Variants in SLC9A8 observed in about 807,000 individuals in gnomAD.
The protein encoded by SLC9A8 is solute carrier family 9 member A8, also known as sodium/hydrogen exchanger 8.
Under a neutral mutation model 66.6 loss-of-function variants are expected in SLC9A8, and 48 were observed. The ratio of observed to expected loss-of-function variants is 0.72; its 90% CI spans 0.57 to 0.92. The LOEUF is 0.92. Among genes scored for constraint, SLC9A8 ranks in the 40% least tolerant of loss-of-function variants. The probability of loss-of-function intolerance (pLI) is 0.00; values close to 1 mark genes in which losing one functional copy is unlikely to be tolerated. For synonymous variants in SLC9A8, 274 were observed against 282.6 expected (o/e 0.97, Z 0.31); for missense variants, 599 against 747.3 (o/e 0.80, Z 2.31).
chr20:49,853,586 T>C (rs562822790), intron 7 of SLC9A8, among the ~76,000 whole-genome samples: 48 of 152,324 alleles, frequency 3.2e-4, no homozygotes, highest in African/African-American at 1.1e-3. Context: ...ACCAATAAAA[T>C]AGGATCTCCC....
At chr20:49,884,090 G>T in intron 14 of SLC9A8, 24 bp downstream of exon 14, 2 of 1,603,588 alleles carry the variant, frequency 1.2e-6, no homozygotes, top group South Asian at 1.1e-5. Flanking sequence ...GCCTGTGGGG[G>T]TGGGGCAGGG....
Position 49,889,023 on chromosome 20 carries a change from C to T in SLC9A8, c.*1087C>T, listed in dbSNP as rs1018083167. 1 of 152,434 alleles carries T rather than the reference C, an allele frequency of 6.6e-6. No homozygotes were observed. The highest frequency in any genetic ancestry group is 1.9e-4 in the East Asian group (1 of 5,188). The allele number at this position is 152,434 out of a possible 1,614,324, so 9.4% of individuals were successfully genotyped here. On this transcript the variant is annotated 3_prime_UTR_variant, in exon 16 of 16. Coordinates refer to ENST00000361573, the MANE Select transcript of SLC9A8 (RefSeq NM_015266.3). ...CCAGTGCTCCCTCCTCTACTCTGAC[C>T]TGGGGCCCCAGCATCCTGGAGCACA...
At chr20:49,880,877 A>G (rs1198397727) in intron 12 of SLC9A8, 47 bp from the exon 13 acceptor site, 14 of 1,281,212 alleles carry the variant, frequency 1.1e-5, no homozygotes, top group Non-Finnish European at 1.5e-5. Flanking sequence ...CTTCAGCTTG[A>G]AGAGCCAGAT....
At chr20:49,824,019 G>C (rs573427690) in intron 3 of SLC9A8, among the ~76,000 whole-genome samples, 1 of 152,278 alleles carries the variant, frequency 6.6e-6, no homozygotes, top group East Asian at 1.9e-4. Context: ...GGAAATGATT[G>C]TTTAGACTCT....
At chr20:49,820,396 T>C (rs960841921) in intron 2 of SLC9A8, among the ~76,000 whole-genome samples, 2 of 151,910 alleles carry the variant, frequency 1.3e-5, no homozygotes, top group African/African-American at 4.8e-5. Flanking sequence ...TTCGGGAGGC[T>C]GAGGCACTAG....
At chr20:49,884,219 CACACACA>C (rs2089743607) in intron 14 of SLC9A8, 153 bp downstream of exon 14, 2 of 328,086 alleles carry the variant, frequency 6.1e-6, no homozygotes, top group South Asian at 2.3e-5. Context: ...CACACACACA[CACACACA>C]CACACACACA....
intron 4 of SLC9A8, among the ~76,000 whole-genome samples, chr20:49,844,509 C>A (rs896086119): frequency 6.6e-6 from 1 of 151,534 alleles, no homozygotes; most frequent in African/African-American, 2.4e-5. Flanking sequence ...CTTGGCCACG[C>A]ATGGTGGCTC....
chr20:49,874,945 T>A (rs1353595310), intron 11 of SLC9A8, 124 bp downstream of exon 11: 7 of 702,086 alleles, frequency 1.0e-5, no homozygotes, highest in Non-Finnish European at 1.8e-5. Flanking sequence ...CAGAGCCAGA[T>A]CCCTCACTCC....
chr20:49,881,100 G>A, intron 13 of SLC9A8, 65 bp downstream of exon 13: 1 of 1,167,546 alleles, frequency 8.6e-7, no homozygotes, highest in Non-Finnish European at 1.3e-6. Flanking sequence ...CATACAGGGA[G>A]AGCTGTGGTT....
intron 3 of SLC9A8, among the ~76,000 whole-genome samples, chr20:49,835,198 T>G (rs1307765795): frequency 2.0e-5 from 3 of 152,002 alleles, no homozygotes; most frequent in African/African-American, 4.8e-5. Flanking sequence ...GGGTTTGTTT[T>G]TTTTTTTGTG....
chr20:49,871,852 T>C (rs981115126), intron 10 of SLC9A8, among the ~76,000 whole-genome samples: 17 of 152,116 alleles, frequency 1.1e-4, no homozygotes, highest in African/African-American at 3.9e-4. Flanking sequence ...TATAGAAAAA[T>C]CCAAAATGTT....
chr20:49,881,086 GC>G, intron 13 of SLC9A8, 51 bp downstream of exon 13: 1 of 1,279,560 alleles, frequency 7.8e-7, no homozygotes, highest in Non-Finnish European at 1.1e-6. Flanking sequence ...TTAAAAGCAC[GC>G]CCCATACAGG....
intron 2 of SLC9A8, among the ~76,000 whole-genome samples, chr20:49,815,743 GA>G (rs377282816): frequency 0.015 from 2,144 of 142,198 alleles, 13 homozygotes; most frequent in Middle Eastern, 0.021. Context: ...AGACTGTCTG[GA>G]AAAAAAAAAA....
chr20:49,874,812 T>G lies in SLC9A8; in HGVS notation c.1066T>G (p.Phe356Val). ...GCAGCAGACCCTCCGCACCGTGGCC[T>G]TCTTATGTGGTGAGTTCTGCTTCTG... Reference protein sequence around the residue: ...LMQQTLRTVAFLCETCVFAFL... With the variant: ...LMQQTLRTVAVLCETCVFAFL... The change falls in exon 11 of 16, where the codon TTC becomes GTC. Residue 356 changes from phenylalanine to valine, a missense_variant. Coordinates refer to ENST00000361573, the MANE Select transcript of SLC9A8 (RefSeq NM_015266.3). 6.2e-7 allele frequency: 1 copy of G among 1,608,936 alleles called. No individual in the cohort carries two copies. The highest frequency in any genetic ancestry group is 8.5e-7 in the Non-Finnish European group (1 of 1,175,184).
chr20:49,845,141 G>T (rs1360469655), intron 5 of SLC9A8, 22 bp downstream of exon 5: 2 of 1,556,102 alleles, frequency 1.3e-6, no homozygotes, highest in East Asian at 2.2e-5. Context: ...GCACACATTG[G>T]TGCTTTGGTC....
At chr20:49,827,755 G>A (rs1227551213) in intron 3 of SLC9A8, among the ~76,000 whole-genome samples, 1 of 152,076 alleles carries the variant, frequency 6.6e-6, no homozygotes, top group Non-Finnish European at 1.5e-5. Context: ...GGTTATAAGT[G>A]GAGGGCTGAA....
intron 6 of SLC9A8, 172 bp from the exon 7 acceptor site, chr20:49,850,638 G>A (rs1985765359): frequency 2.2e-5 from 14 of 649,012 alleles, no homozygotes; most frequent in Non-Finnish European, 3.5e-5. Context: ...CATGCCGATG[G>A]AATGCATGTT....
chr20:49,884,331 CA>C (rs1568884552), intron 14 of SLC9A8, among the ~76,000 whole-genome samples: 6 of 139,508 alleles, frequency 4.3e-5, no homozygotes, highest in African/African-American at 8.3e-5. Context: ...CACACACACA[CA>C]CACACCCCCC....
chr20:49,849,544 C>T lies in SLC9A8; in HGVS notation c.433-35C>T, dbSNP rs373121492. The T allele has an allele frequency of 5.9e-6, 9 of 1,536,440 alleles. No homozygotes were observed. In the Admixed American group the frequency reaches 8.4e-5, roughly 14 times the overall value. ...GCCTTCACTGACAGGAATGGCTTTTCTAATCATTTCCCTGATTTCTGCTCT... is the reference window on the plus strand; with the variant it reads ...GCCTTCACTGACAGGAATGGCTTTTTTAATCATTTCCCTGATTTCTGCTCT... On this transcript the variant is annotated intron_variant, in intron 5 of 15. Coordinates refer to ENST00000361573, the MANE Select transcript of SLC9A8 (RefSeq NM_015266.3).
Sources: gnomAD v4.1 joint callset for allele counts (sites outside exome capture counted in the v4.1 genomes callset) on GRCh38, gnomAD v4.1.1 for gene constraint, MANE v1.5 for transcripts, NCBI Gene and HGNC (gene_info 2026-07-23, HGNC 2026-07-21) for gene names.